Variants in SPOCK3 observed in about 807,000 individuals in gnomAD.
SPOCK3 encodes SPARC (osteonectin), cwcv and kazal like domains proteoglycan 3.
Under a neutral mutation model 56.6 loss-of-function variants are expected in SPOCK3, and 30 were observed. The ratio of observed to expected loss-of-function variants is 0.53; its 90% CI spans 0.40 to 0.72. The LOEUF (loss-of-function observed/expected upper bound fraction) is 0.72. SPOCK3 is among the 30% of genes least tolerant of loss of function. The pLI, the probability that SPOCK3 is intolerant of heterozygous loss-of-function variation, is 0.00. For synonymous variants in SPOCK3, 196 were observed against 183.3 expected (o/e 1.07, Z -0.56); for missense variants, 527 against 530.0 (o/e 0.99, Z 0.06).
intron 6 of SPOCK3, among the ~76,000 whole-genome samples, chr4:166,813,405 G>A (rs1744048029): frequency 6.6e-6 from 1 of 151,904 alleles, no homozygotes; most frequent in Non-Finnish European, 1.5e-5. Context: ...TGACATCCAT[G>A]CATCACTTAC....
At chr4:166,836,002 T>C (rs1746574343) in intron 6 of SPOCK3, among the ~76,000 whole-genome samples, 1 of 152,136 alleles carries the variant, frequency 6.6e-6, no homozygotes, top group African/African-American at 2.4e-5. Flanking sequence ...GCAAAACTCT[T>C]GTCTCACACA....
intron 3 of SPOCK3, among the ~76,000 whole-genome samples, chr4:167,055,532 G>C (rs1322104733): frequency 1.3e-5 from 2 of 152,208 alleles, no homozygotes; most frequent in South Asian, 4.1e-4. Flanking sequence ...AGGGGTCAGG[G>C]AGTTCCCTTT....
intron 2 of SPOCK3, among the ~76,000 whole-genome samples, chr4:167,096,224 C>T (rs574814818): frequency 3.3e-5 from 5 of 151,870 alleles, no homozygotes; most frequent in South Asian, 2.1e-4. Flanking sequence ...ATCAAAATCC[C>T]GCAAACTATA....
chr4:167,030,952 G>A (rs114433750), intron 3 of SPOCK3, among the ~76,000 whole-genome samples: 3,256 of 152,116 alleles, frequency 0.021, 48 homozygotes, highest in Non-Finnish European at 0.032. Flanking sequence ...TTTCCCGTCT[G>A]TGAGATATTT....
intron 3 of SPOCK3, among the ~76,000 whole-genome samples, chr4:167,052,389 T>C (rs1393233765): frequency 2.0e-5 from 3 of 152,208 alleles, no homozygotes; most frequent in Non-Finnish European, 4.4e-5. Flanking sequence ...GTAGCCAATA[T>C]GGATGATACA....
At chr4:166,775,875 A>T (rs1030944320) in intron 7 of SPOCK3, among the ~76,000 whole-genome samples, 3 of 152,204 alleles carry the variant, frequency 2.0e-5, no homozygotes, top group Non-Finnish European at 4.4e-5. Flanking sequence ...ACGCATGAAG[A>T]ATACTAAATA....
At chr4:167,067,398 A>T (rs4309864) in intron 2 of SPOCK3, among the ~76,000 whole-genome samples, 4,373 of 151,924 alleles carry the variant, frequency 0.029, 187 homozygotes, top group African/African-American at 0.099. Context: ...AAAGTGAGAC[A>T]CAGAGGATAA....
chr4:167,045,551 T>C (rs1753637469), intron 3 of SPOCK3, among the ~76,000 whole-genome samples: 1 of 152,126 alleles, frequency 6.6e-6, no homozygotes, highest in African/African-American at 2.4e-5. Context: ...ATATTTATTA[T>C]ACTTCTGCTT....
chr4:167,002,707 G>T (rs1749062108), intron 3 of SPOCK3, among the ~76,000 whole-genome samples: 1 of 151,784 alleles, frequency 6.6e-6, no homozygotes, highest in Non-Finnish European at 1.5e-5. Flanking sequence ...TCATCATTAG[G>T]TAAAAAAAAG....
chr4:167,125,628 T>C lies in SPOCK3; in HGVS notation c.190-63091A>G, dbSNP rs1189818805. On this transcript the variant is annotated intron_variant, in intron 2 of 10. Transcript: ENST00000357545. ...TACTCGGGAGGCTGAGGGAGGAGAATGGCGTGAACCCGGGAGGCGGAGCTT... is the reference window on the plus strand; with the variant it reads ...TACTCGGGAGGCTGAGGGAGGAGAACGGCGTGAACCCGGGAGGCGGAGCTT... Among the ~76,000 whole-genome samples the C allele has an allele frequency of 2.0e-5, 3 of 151,988 alleles. No homozygotes were observed. In the East Asian group the frequency reaches 5.8e-4, roughly 30 times the overall value.
At chr4:167,162,418 A>C (rs2032414205) in intron 2 of SPOCK3, among the ~76,000 whole-genome samples, 1 of 152,114 alleles carries the variant, frequency 6.6e-6, no homozygotes, top group Non-Finnish European at 1.5e-5. Context: ...ACACTCTTTC[A>C]AATCTGTGCT....
intron 2 of SPOCK3, among the ~76,000 whole-genome samples, chr4:167,129,839 T>C (rs1339824739): frequency 6.6e-6 from 1 of 152,148 alleles, no homozygotes; most frequent in South Asian, 2.1e-4. Flanking sequence ...GGGTGAGATA[T>C]ATATTATTTA....
chr4:166,868,686 GAAGAA>G lies in SPOCK3; in HGVS notation c.589+20439_589+20443del, dbSNP rs1732130721. On this transcript the variant is annotated intron_variant, in intron 6 of 10. Coordinates refer to ENST00000357545, the MANE Select transcript of SPOCK3 (RefSeq NM_001040159.2). ...CATACTTTTATCTATTTAAACATAA[GAAGAA>G]AAGGACAACATTGTTGAAAAAGTCA... is the stretch of plus-strand genomic sequence containing the variant. Among the ~76,000 whole-genome samples, 6 of 152,108 alleles carry G rather than the reference GAAGAA, an allele frequency of 3.9e-5. No individual in the cohort carries two copies. In the South Asian group the frequency reaches 1.2e-3, roughly 32 times the overall value.
At chr4:166,735,667 T>C (rs762985258) in intron 10 of SPOCK3, among the ~76,000 whole-genome samples, 5 of 151,960 alleles carry the variant, frequency 3.3e-5, no homozygotes, top group Non-Finnish European at 7.4e-5. Flanking sequence ...AGATGCAGTG[T>C]TGTCGGCTTA....
intron 4 of SPOCK3, among the ~76,000 whole-genome samples, chr4:166,988,501 G>C (rs1351429920): frequency 1.3e-5 from 2 of 152,094 alleles, no homozygotes; most frequent in Non-Finnish European, 2.9e-5. Flanking sequence ...GAATGGTCTA[G>C]TTGAGAATAA....
chr4:167,198,799 A>G (rs1243328445), intron 2 of SPOCK3, among the ~76,000 whole-genome samples: 1 of 152,166 alleles, frequency 6.6e-6, no homozygotes, highest in African/African-American at 2.4e-5. Context: ...TACTTAGGTT[A>G]CAAAATTAAA....
chr4:166,834,005 A>G (rs1490671707), intron 6 of SPOCK3, among the ~76,000 whole-genome samples: 3 of 152,294 alleles, frequency 2.0e-5, no homozygotes, highest in African/African-American at 4.8e-5. Flanking sequence ...ACGGTTTCCA[A>G]TATCTTACTC....
At chr4:166,775,719 G>A (rs933793517) in intron 7 of SPOCK3, among the ~76,000 whole-genome samples, 5 of 152,176 alleles carry the variant, frequency 3.3e-5, no homozygotes, top group African/African-American at 1.2e-4. Flanking sequence ...GGTGGCCCAT[G>A]AAGTGAAAAA....
chr4:167,225,409 T>C (rs1471420836), intron 2 of SPOCK3, among the ~76,000 whole-genome samples: 1 of 152,100 alleles, frequency 6.6e-6, no homozygotes, highest in East Asian at 1.9e-4. Flanking sequence ...GGAAGAATAT[T>C]AGGGAAAGCA....
Sources: gnomAD v4.1 joint callset for allele counts (sites outside exome capture counted in the v4.1 genomes callset) on GRCh38, gnomAD v4.1.1 for gene constraint, MANE v1.5 for transcripts, NCBI Gene and HGNC (gene_info 2026-07-23, HGNC 2026-07-21) for gene names.